The following EMCN variants were observed in gnomAD, a reference collection of about 807,000 sequenced individuals.
The protein encoded by EMCN is endomucin.
EMCN carries 37 observed loss-of-function variants against 38.4 expected under a neutral mutation model. The observed-to-expected ratio is 0.96, with a 90% CI of 0.74 to 1.27. EMCN has a LOEUF of 1.27. Among genes scored for constraint, EMCN ranks in the 50% most tolerant of loss-of-function variants. The pLI is 0.00. For synonymous variants in EMCN, 95 were observed against 100.8 expected, an observed-to-expected ratio of 0.94 and a Z score of 0.35; for missense variants, 318 against 302.8, an observed-to-expected ratio of 1.05 and a Z score of -0.37.
chr4:100,428,882 G>C (rs1343316903), intron 5 of EMCN, among the ~76,000 whole-genome samples: 2 of 152,124 alleles, frequency 1.3e-5, no homozygotes, highest in African/African-American at 4.8e-5. Flanking sequence ...GGGAAGGTGA[G>C]AAGCATATCC....
chr4:100,443,801 T>C lies in EMCN; in HGVS notation c.415+3732A>G, dbSNP rs545008371. On this transcript the variant is annotated intron_variant, in intron 5 of 11. Transcript: ENST00000296420. ...ATCTTAGGCCCAGAGTGCTGAAATA[T>C]AGCTGAGGTTGTGACCCTGGTGGAC... 2.6e-5 allele frequency among the ~76,000 whole-genome samples: 4 copies of C among 152,310 alleles called. No homozygotes were observed. The South Asian group carries it at 6.2e-4, about 24-fold the overall frequency.
intron 1 of EMCN, among the ~76,000 whole-genome samples, chr4:100,498,930 T>C (rs929313219): frequency 2.6e-5 from 4 of 152,210 alleles, no homozygotes; most frequent in African/African-American, 7.2e-5. Flanking sequence ...TATACTACTA[T>C]TTAGTATGCT....
chr4:100,493,995 A>G (rs960668516), intron 1 of EMCN, among the ~76,000 whole-genome samples: 3 of 152,190 alleles, frequency 2.0e-5, no homozygotes, highest in Non-Finnish European at 4.4e-5. Context: ...TGGTTCCAGG[A>G]TATACCAGTT....
intron 1 of EMCN, among the ~76,000 whole-genome samples, chr4:100,515,224 G>T (rs1729722478): frequency 6.6e-6 from 1 of 151,938 alleles, no homozygotes; most frequent in Non-Finnish European, 1.5e-5. Flanking sequence ...CTTCTTGGAG[G>T]AATCTCTCTT....
At chr4:100,476,307 A>C (rs914886840) in intron 2 of EMCN, among the ~76,000 whole-genome samples, 1 of 148,642 alleles carries the variant, frequency 6.7e-6, no homozygotes, top group Non-Finnish European at 1.5e-5. Context: ...CTTGCTTGAC[A>C]AGGTCTTGCT....
chr4:100,412,264 C>T (rs1226644213), intron 10 of EMCN, among the ~76,000 whole-genome samples: 2 of 152,078 alleles, frequency 1.3e-5, no homozygotes, highest in Non-Finnish European at 2.9e-5. Context: ...AAGGCAGGCA[C>T]ATCATGGACG....
chr4:100,494,374 A>G (rs1218999842), intron 1 of EMCN, among the ~76,000 whole-genome samples: 1 of 152,172 alleles, frequency 6.6e-6, no homozygotes, highest in Non-Finnish European at 1.5e-5. Flanking sequence ...GTATTTAGTA[A>G]TAGGCAACAG....
chr4:100,475,496 T>TC (rs1426468680), intron 2 of EMCN, among the ~76,000 whole-genome samples: 1 of 151,608 alleles, frequency 6.6e-6, no homozygotes, highest in African/African-American at 2.4e-5. Flanking sequence ...CTTAGGAGTA[T>TC]CATGCCTTTT....
intron 3 of EMCN, among the ~76,000 whole-genome samples, chr4:100,473,027 T>A (rs1728521609): frequency 6.8e-6 from 1 of 146,672 alleles, no homozygotes; most frequent in African/African-American, 2.5e-5. Context: ...ATATATTTTT[T>A]TTTTTTGAGG....
At chr4:100,441,278 T>C (rs1021889112) in intron 5 of EMCN, among the ~76,000 whole-genome samples, 1 of 152,218 alleles carries the variant, frequency 6.6e-6, no homozygotes, top group African/African-American at 2.4e-5. Flanking sequence ...TCTTTGTCTC[T>C]TGTGACAATT....
At chr4:100,425,432 A>G (rs755728874) in intron 5 of EMCN, among the ~76,000 whole-genome samples, 5 of 152,080 alleles carry the variant, frequency 3.3e-5, no homozygotes, top group Admixed American at 6.6e-5. Context: ...GAAGTATAGG[A>G]GAGCTATAGC....
At chr4:100,497,440 A>C (rs1177748950) in intron 1 of EMCN, among the ~76,000 whole-genome samples, 1 of 151,852 alleles carries the variant, frequency 6.6e-6, no homozygotes, top group Non-Finnish European at 1.5e-5. Context: ...GCAGTAGCCC[A>C]ATCTCGGCTC....
chr4:100,499,495 G>A (rs1373386292), intron 1 of EMCN, among the ~76,000 whole-genome samples: 1 of 152,126 alleles, frequency 6.6e-6, no homozygotes, highest in Non-Finnish European at 1.5e-5. Flanking sequence ...TACCTTTTCT[G>A]CCCTGAATTA....
chr4:100,427,338 C>T (rs1212179421), intron 5 of EMCN, among the ~76,000 whole-genome samples: 1 of 152,040 alleles, frequency 6.6e-6, no homozygotes, highest in East Asian at 1.9e-4. Context: ...GTGGGGCAGT[C>T]ACAGTTCCCT....
intron 1 of EMCN, among the ~76,000 whole-genome samples, chr4:100,485,795 C>T (rs1406726384): frequency 1.3e-5 from 2 of 151,938 alleles, no homozygotes; most frequent in Admixed American, 1.3e-4. Flanking sequence ...GATCCATGGC[C>T]AACCACATTA....
intron 10 of EMCN, among the ~76,000 whole-genome samples, 168 bp downstream of exon 10, chr4:100,415,730 G>C (rs56234545): frequency 6.6e-6 from 1 of 152,018 alleles, no homozygotes; most frequent in East Asian, 1.9e-4. Flanking sequence ...TATCAAATTG[G>C]TAAGATTTTT....
rs181598421 is a variant in EMCN at position 100,407,774 on chromosome 4, A to G, written c.*39+2508T>C. ...CCTGAATTTGAATATCAACCTCTCT[A>G]GCTAAGTTGGGGACATTTTCATGGA... On this transcript the variant is annotated intron_variant, in intron 11 of 11. Transcript: ENST00000296420. 1.4e-3 allele frequency among the ~76,000 whole-genome samples: 208 copies of G among 152,252 alleles called. 1 individual carries two copies. The highest frequency in any genetic ancestry group is 4.8e-3 in the African/African-American group (198 of 41,526).
chr4:100,431,385 A>G (rs1189660740), intron 5 of EMCN, among the ~76,000 whole-genome samples: 1 of 152,124 alleles, frequency 6.6e-6, no homozygotes, highest in African/African-American at 2.4e-5. Context: ...CTTTTGGATA[A>G]GGCTAACATT....
chr4:100,510,304 G>A (rs1171214744), intron 1 of EMCN, among the ~76,000 whole-genome samples: 1 of 152,150 alleles, frequency 6.6e-6, no homozygotes, highest in African/African-American at 2.4e-5. Flanking sequence ...AAAGATATTT[G>A]AGAAAATACA....
Sources: gnomAD v4.1 joint callset for allele counts (sites outside exome capture counted in the v4.1 genomes callset) on GRCh38, gnomAD v4.1.1 for gene constraint, MANE v1.5 for transcripts, NCBI Gene and HGNC (gene_info 2026-07-23, HGNC 2026-07-21) for gene names.